ZNF469: variants seen among roughly 807,000 people sequenced by gnomAD.
The protein encoded by ZNF469 is zinc finger protein 469.
ZNF469 carries 1 observed loss-of-function variant against 1.0 expected under a neutral mutation model. The ratio of observed to expected loss-of-function variants is 1.00; its 90% confidence interval spans 0.35 to 4.73. The LOEUF (loss-of-function observed/expected upper bound fraction) is 4.73, where lower values mean the gene tolerates loss of function less well. Ranked by LOEUF, ZNF469 falls within the 30% of genes most tolerant of loss-of-function variation. The pLI, the probability that ZNF469 is intolerant of heterozygous loss-of-function variation, is 0.16. For missense variants in ZNF469, 6,100 were observed against 5,356.3 expected, an observed-to-expected ratio of 1.14 and a Z score of -4.33; for synonymous variants, 2,703 against 2,363.4, an observed-to-expected ratio of 1.14 and a Z score of -4.17.
Position 88,432,120 on chromosome 16 carries a change from C to T in ZNF469, c.4650C>T (p.Ser1550=), listed in dbSNP as rs750201625. The T allele has an allele frequency of 1.4e-5, 21 of 1,550,320 alleles. No individual in the cohort carries two copies. Among genetic ancestry groups the T allele is most frequent in the Middle Eastern group, 1.7e-4 (1 of 6,014 alleles). ...TGCCTGGGAAGGGGAGTGGATGTAG[C>T]GTTGCTCTTATGAGTCACCTGTCCG... ...PSLPGKGSGC[S]VALMSHLSED... The change falls in exon 3 of 3, where the codon AGC becomes AGT. Residue 1550 remains serine (S), a synonymous_variant. Coordinates refer to ENST00000565624, the MANE Select transcript of ZNF469 (RefSeq NM_001367624.2).
chr16:88,396,894 T>TGGAGACCCTCATGAAGGGAGGCCGGTA (rs1904691327), intron 1 of ZNF469, among the ~76,000 whole-genome samples: 2 of 66,906 alleles, frequency 3.0e-5, no homozygotes, highest in Non-Finnish European at 5.8e-5. Flanking sequence ...GGAGGCCGGG[T>TGGAGACCCTCATGAAGGGAGGCCGGTA]GGAGACCCTC....
In ZNF469 at chr16:88,397,519, A is replaced by G. The variant is rs368973360; in HGVS notation, c.-192+14265A>G. On this transcript the variant is annotated intron_variant, in intron 1 of 2. Transcript: ENST00000565624. Reference sequence around the variant, plus strand: ...TTAAAGGGCAAGGTCGTGTATCTCAATGTTAGCAGTCTTTGCCCCACCATG... The same window carrying G: ...TTAAAGGGCAAGGTCGTGTATCTCAGTGTTAGCAGTCTTTGCCCCACCATG... Among the ~76,000 whole-genome samples, 314 of 152,278 alleles carry G rather than the reference A, an allele frequency of 2.1e-3. 1 individual carries two copies. Among genetic ancestry groups the G allele is most frequent in the African/African-American group, 7.2e-3 (298 of 41,568 alleles).
the ZNF469 span, among the ~76,000 whole-genome samples, chr16:88,101,740 A>G: frequency 6.6e-6 from 1 of 152,202 alleles, no homozygotes; most frequent in African/African-American, 2.4e-5. Context: ...AACACGTTTC[A>G]GAGCAGACCC....
intron 2 of ZNF469, among the ~76,000 whole-genome samples, 159 bp downstream of exon 2, chr16:88,425,030 G>A (rs905630367): frequency 2.0e-5 from 3 of 151,726 alleles, no homozygotes; most frequent in African/African-American, 4.8e-5. Context: ...CCTGGGGCCC[G>A]CCGGGCAGGG....
upstream of ZNF469, among the ~76,000 whole-genome samples, chr16:88,381,606 T>C (rs894424455): frequency 3.3e-5 from 5 of 152,264 alleles, no homozygotes; most frequent in Non-Finnish European, 5.9e-5. Context: ...GGTTTCTTAG[T>C]TCTTCCCCAT....
the ZNF469 span, among the ~76,000 whole-genome samples, chr16:88,185,368 A>G: frequency 8.0e-6 from 1 of 125,378 alleles, no homozygotes; most frequent in Non-Finnish European, 1.7e-5. Flanking sequence ...AAACATACCT[A>G]TACACTTGTG....
At chr16:88,141,367 G>A in the ZNF469 span, among the ~76,000 whole-genome samples, 4 of 152,182 alleles carry the variant, frequency 2.6e-5, no homozygotes, top group South Asian at 4.1e-4. Flanking sequence ...GACGCCCTGG[G>A]AGGTACCCCC....
At chr16:88,287,821 C>T in the ZNF469 span, among the ~76,000 whole-genome samples, 2 of 152,158 alleles carry the variant, frequency 1.3e-5, no homozygotes, top group Admixed American at 6.5e-5. Context: ...TTATGGCCAG[C>T]GCTGACTTCA....
At chr16:88,171,625 T>A in the ZNF469 span, among the ~76,000 whole-genome samples, 1 of 152,194 alleles carries the variant, frequency 6.6e-6, no homozygotes, top group Non-Finnish European at 1.5e-5. Flanking sequence ...TCCCAAATGT[T>A]AGCTTATGAA....
chr16:88,351,251 G>A, the ZNF469 span, among the ~76,000 whole-genome samples: 5 of 152,352 alleles, frequency 3.3e-5, no homozygotes, highest in African/African-American at 1.2e-4. Flanking sequence ...GGTCCCGGGT[G>A]CCCAGCTGCG....
At position 88,431,951 on chromosome 16, in the gene ZNF469, C is replaced by T; in HGVS notation, c.4481C>T (p.Ser1494Leu). 6.5e-7 allele frequency: 1 copy of T among 1,549,472 alleles called. No individual in the cohort carries two copies. Among genetic ancestry groups the T allele is most frequent in the Non-Finnish European group, 8.7e-7 (1 of 1,146,988 alleles). ...CADPPQKTVP[S>L]DPPYPSFLLL... ...GACCCTCCCCAGAAGACGGTGCCGT[C>T]AGATCCACCGTACCCCTCTTTTTTG... The change falls in exon 3 of 3, where the codon TCA becomes TTA. Residue 1494 changes from serine (S) to leucine (L), a missense_variant. Ser to Leu is a moderately radical substitution (Grantham distance 145, BLOSUM62 -2). Coordinates refer to ENST00000565624, the MANE Select transcript of ZNF469 (RefSeq NM_001367624.2).
intron 2 of ZNF469, among the ~76,000 whole-genome samples, chr16:88,426,082 G>T (rs907309929): frequency 3.9e-5 from 6 of 152,266 alleles, no homozygotes; most frequent in Non-Finnish European, 7.3e-5. Flanking sequence ...GGAACTCCGG[G>T]AGGGGCATGA....
At chr16:88,181,170 A>C in the ZNF469 span, among the ~76,000 whole-genome samples, 210 of 151,134 alleles carry the variant, frequency 1.4e-3, no homozygotes, top group African/African-American at 5.0e-3. Context: ...TCCCAGCTTT[A>C]AGCAATTCTC....
chr16:88,430,176 A>C lies in ZNF469; in HGVS notation c.2706A>C (p.Pro902=), dbSNP rs954558070. ...TPESKAPPPL[P]AATPDPQTPR... ...AGAGCAAAGCTCCGCCCCCGCTCCC[A>C]GCAGCCACGCCGGACCCCCAAACCC... is the stretch of plus-strand genomic sequence containing the variant. Residue 902 remains proline (P), a synonymous_variant, in exon 3 of 3, where the codon CCA becomes CCC. Transcript: ENST00000565624. 1 of 1,548,482 alleles carries C rather than the reference A, an allele frequency of 6.5e-7. No individual in the cohort carries two copies. The highest frequency in any genetic ancestry group is 8.7e-7 in the Non-Finnish European group (1 of 1,145,740).
chr16:88,316,041 A>G, the ZNF469 span, among the ~76,000 whole-genome samples: 3 of 152,182 alleles, frequency 2.0e-5, no homozygotes, highest in Non-Finnish European at 4.4e-5. Flanking sequence ...CGGCACCTGG[A>G]CCACGCGTCA....
At chr16:88,170,881 G>A in the ZNF469 span, among the ~76,000 whole-genome samples, 1 of 151,690 alleles carries the variant, frequency 6.6e-6, no homozygotes, top group East Asian at 1.9e-4. The surrounding 1 kb of genome is among the most constrained non-coding windows in gnomAD (Gnocchi z 4.2). Context: ...CTCCAACCGC[G>A]AGCAAGTGTT....
At chr16:88,105,351 C>T in the ZNF469 span, among the ~76,000 whole-genome samples, 16 of 144,728 alleles carry the variant, frequency 1.1e-4, no homozygotes, top group African/African-American at 3.6e-4. Flanking sequence ...GTTGCCCAGG[C>T]TGGAGTGTAA....
the ZNF469 span, among the ~76,000 whole-genome samples, chr16:88,237,815 A>C: frequency 3.9e-3 from 521 of 132,490 alleles, 11 homozygotes; most frequent in African/African-American, 0.014. Flanking sequence ...CCCTCCCTGC[A>C]CTCTGTGCTC....
the ZNF469 span, among the ~76,000 whole-genome samples, chr16:88,107,057 C>T: frequency 6.6e-6 from 1 of 152,202 alleles, no homozygotes; most frequent in African/African-American, 2.4e-5. Flanking sequence ...TGCTGGCAGG[C>T]GGGCGGGGGT....
Sources: allele counts gnomAD v4.1 joint callset (sites outside exome capture counted in the v4.1 genomes callset), GRCh38; gene constraint gnomAD v4.1.1; non-coding constraint Gnocchi (gnomAD v3.1); transcripts MANE v1.5; gene names NCBI Gene and HGNC (gene_info 2026-07-23, HGNC 2026-07-21).